ARHGEF3: variants seen among roughly 807,000 people sequenced by gnomAD.
ARHGEF3 encodes the protein 59.8 kDA protein.
Under a neutral mutation model 63.2 loss-of-function variants are expected in ARHGEF3, and 28 were observed. The observed-to-expected ratio is 0.44, with a 90% CI of 0.33 to 0.61. The LOEUF (loss-of-function observed/expected upper bound fraction) is 0.61, where lower values mean the gene tolerates loss of function less well. Ranked by LOEUF, ARHGEF3 falls within the 20% of genes least tolerant of loss-of-function variation. ARHGEF3 has a pLI of 0.03. For synonymous variants in ARHGEF3, 266 were observed against 254.2 expected (o/e 1.05, Z -0.44); for missense variants, 533 against 659.3 (o/e 0.81, Z 2.10).
chr3:56,745,884 C>A (rs1578397498), intron 6 of ARHGEF3, among the ~76,000 whole-genome samples: 1 of 152,150 alleles, frequency 6.6e-6, no homozygotes, highest in Non-Finnish European at 1.5e-5. Flanking sequence ...TGTTAGCCAG[C>A]ATAGTCTCCA....
At chr3:56,770,233 G>A (rs1200908860) in intron 2 of ARHGEF3, among the ~76,000 whole-genome samples, 2 of 151,936 alleles carry the variant, frequency 1.3e-5, no homozygotes, top group South Asian at 2.1e-4. Context: ...CCAACATGGC[G>A]AAACCGTCTC....
chr3:56,747,980 A>G (rs991886187), intron 6 of ARHGEF3, among the ~76,000 whole-genome samples: 3 of 152,232 alleles, frequency 2.0e-5, no homozygotes, highest in Non-Finnish European at 2.9e-5. Context: ...AATGTGTAGC[A>G]TGGAGCTTGG....
At chr3:56,816,593 C>T (rs1479390356) in intron 4 of ARHGEF3, among the ~76,000 whole-genome samples, 5 of 152,152 alleles carry the variant, frequency 3.3e-5, no homozygotes, top group African/African-American at 7.2e-5. Flanking sequence ...TGCTGAGAGC[C>T]GAAGAGGTGT....
intron 8 of ARHGEF3, 31 bp from the exon 9 acceptor site, chr3:56,732,455 A>T: frequency 6.2e-7 from 1 of 1,611,586 alleles, no homozygotes. Flanking sequence ...AGCTTTCATT[A>T]AGCAATAATG....
chr3:56,968,289 TATATATA>T (rs1435318409), intron 2 of ARHGEF3, among the ~76,000 whole-genome samples: 1 of 64,094 alleles, frequency 1.6e-5, no homozygotes, highest in Non-Finnish European at 2.9e-5. Flanking sequence ...ATATATATAA[TATATATA>T]ATATATAATA....
chr3:56,916,122 A>T (rs2041981856), intron 3 of ARHGEF3, among the ~76,000 whole-genome samples: 1 of 152,180 alleles, frequency 6.6e-6, no homozygotes, highest in South Asian at 2.1e-4. Context: ...CTTCTGATTC[A>T]TACGAAAGTG....
chr3:56,986,569 A>G (rs1351367233), intron 2 of ARHGEF3, among the ~76,000 whole-genome samples: 1 of 152,138 alleles, frequency 6.6e-6, no homozygotes, highest in Non-Finnish European at 1.5e-5. Flanking sequence ...AGTTGGGAGT[A>G]AGGGGTTGGG....
At position 57,045,123 on chromosome 3, in the gene ARHGEF3, T is replaced by C. The variant is rs188197682; in HGVS notation, c.-27-9947A>G. 4.7e-4 allele frequency among the ~76,000 whole-genome samples: 72 copies of C among 152,080 alleles called. 1 individual carries two copies. The highest frequency in any genetic ancestry group is 1.6e-3 in the African/African-American group (65 of 41,482). On this transcript the variant is annotated intron_variant, in intron 1 of 12. Transcript: ENST00000338458. The stretch of plus-strand genomic sequence containing the variant: ...CTCTACTAAAAATACAAAAATTAGC[T>C]GGGCGTGGTGGCGGGCACCTGTAAT...
Position 56,811,872 on chromosome 3 carries a change from G to T in ARHGEF3, c.193-38056C>A, listed in dbSNP as rs114169326. On this transcript the variant is annotated intron_variant, in intron 4 of 12. Transcript: ENST00000338458. ...TAGCTAATTCCTCTCATTCAAGGTT[G>T]TCTGTGACCCCCAGGCAAGGGTAAT... Among the ~76,000 whole-genome samples, 1,001 of 152,262 alleles carry T rather than the reference G, an allele frequency of 6.6e-3. 9 individuals are homozygous for T. The highest frequency in any genetic ancestry group is 0.022 in the African/African-American group (928 of 41,508).
chr3:56,786,110 A>G (rs529874697), intron 1 of ARHGEF3, among the ~76,000 whole-genome samples: 1 of 152,346 alleles, frequency 6.6e-6, no homozygotes, highest in South Asian at 2.1e-4. Flanking sequence ...ACTTAGAACC[A>G]GGGGACACAG....
At chr3:56,945,056 A>G (rs7641308) in intron 3 of ARHGEF3, among the ~76,000 whole-genome samples, 17,575 of 152,204 alleles carry the variant, frequency 0.12, 1,278 homozygotes, top group East Asian at 0.25. Context: ...ATCATATTCT[A>G]CAGGAAATCT....
intron 4 of ARHGEF3, among the ~76,000 whole-genome samples, chr3:56,751,882 T>G (rs969856199): frequency 6.6e-6 from 1 of 152,144 alleles, no homozygotes; most frequent in African/African-American, 2.4e-5. Context: ...TATCACCTCT[T>G]ACTAGAGAAA....
chr3:56,753,821 C>T (rs2034910241), intron 3 of ARHGEF3, among the ~76,000 whole-genome samples: 1 of 152,110 alleles, frequency 6.6e-6, no homozygotes, highest in Admixed American at 6.6e-5. Flanking sequence ...TTTCATGTTA[C>T]AGAACTTTGA....
At chr3:57,047,707 A>G (rs924242804) in intron 1 of ARHGEF3, among the ~76,000 whole-genome samples, 1 of 152,192 alleles carries the variant, frequency 6.6e-6, no homozygotes, top group Non-Finnish European at 1.5e-5. Flanking sequence ...TCCCCCAGTG[A>G]GCAAGTTTCA....
At chr3:56,838,892 G>T (rs1348526756) in intron 4 of ARHGEF3, among the ~76,000 whole-genome samples, 1 of 152,166 alleles carries the variant, frequency 6.6e-6, no homozygotes, top group African/African-American at 2.4e-5. Context: ...CACTTTGGGA[G>T]AACAAGGTGG....
At chr3:56,995,619 C>CAGAGAGAG in intron 2 of ARHGEF3, among the ~76,000 whole-genome samples, 1 of 57,418 alleles carries the variant, frequency 1.7e-5, no homozygotes, top group Non-Finnish European at 3.1e-5. Context: ...AGTAAATTTT[C>CAGAGAGAG]CGAGAGAGAG....
chr3:56,880,038 G>A (rs1443563963), intron 4 of ARHGEF3, among the ~76,000 whole-genome samples: 4 of 152,138 alleles, frequency 2.6e-5, no homozygotes, highest in Admixed American at 6.5e-5. Flanking sequence ...AATGGTCAGC[G>A]GAATCTGCAG....
intron 3 of ARHGEF3, among the ~76,000 whole-genome samples, chr3:56,754,192 T>C (rs1208631677): frequency 6.6e-6 from 1 of 152,194 alleles, no homozygotes; most frequent in African/African-American, 2.4e-5. Context: ...AGTAGGTAAA[T>C]GGACCGTTTC....
intron 3 of ARHGEF3, among the ~76,000 whole-genome samples, chr3:56,904,024 A>AAT (rs150901097): frequency 0.042 from 6,297 of 150,360 alleles, 155 homozygotes; most frequent in South Asian, 0.13. Context: ...ACCATGCCTA[A>AAT]ATATATATAT....
Sources: gnomAD v4.1 joint callset for allele counts (sites outside exome capture counted in the v4.1 genomes callset) on GRCh38, gnomAD v4.1.1 for gene constraint, MANE v1.5 for transcripts, NCBI Gene and HGNC (gene_info 2026-07-23, HGNC 2026-07-21) for gene names.